Variants in MVB12B observed in about 807,000 individuals in gnomAD.
MVB12B encodes multivesicular body subunit 12B.
Under a neutral mutation model 41.6 loss-of-function variants are expected in MVB12B, and 16 were observed. That is an observed-to-expected ratio of 0.38 (90% CI 0.26 to 0.58). The LOEUF (loss-of-function observed/expected upper bound fraction) is 0.58, where lower values mean the gene tolerates loss of function less well. Ranked by LOEUF, MVB12B falls within the 20% of genes least tolerant of loss-of-function variation. The pLI, the probability that MVB12B is intolerant of heterozygous loss-of-function variation, is 0.62. For missense variants in MVB12B, 274 were observed against 380.2 expected, an observed-to-expected ratio of 0.72 and a Z score of 2.32; for synonymous variants, 133 against 139.7, an observed-to-expected ratio of 0.95 and a Z score of 0.34.
intron 7 of MVB12B, among the ~76,000 whole-genome samples, chr9:126,475,101 T>C (rs1254399384): frequency 6.6e-6 from 1 of 151,490 alleles, no homozygotes; most frequent in Non-Finnish European, 1.5e-5. Flanking sequence ...TCCAACACAG[T>C]TGGGTTTTCG....
intron 7 of MVB12B, among the ~76,000 whole-genome samples, chr9:126,425,958 A>G (rs1269460733): frequency 6.6e-6 from 1 of 152,268 alleles, no homozygotes; most frequent in African/African-American, 2.4e-5. Flanking sequence ...ATGCAAGCCA[A>G]GGATGGTTTT....
chr9:126,457,758 C>T (rs1052798163), intron 7 of MVB12B, among the ~76,000 whole-genome samples: 2 of 151,984 alleles, frequency 1.3e-5, no homozygotes, highest in African/African-American at 2.4e-5. Flanking sequence ...TGAGGGAGAA[C>T]GGGTGGTATG....
chr9:126,345,864 A>G (rs554480), intron 2 of MVB12B, among the ~76,000 whole-genome samples: 26,457 of 152,284 alleles, frequency 0.17, 2,407 homozygotes, highest in Middle Eastern at 0.23. Context: ...TCCAGGTTAC[A>G]TAGCCCCTTA....
chr9:126,440,082 C>T (rs2119135623), intron 7 of MVB12B, among the ~76,000 whole-genome samples: 1 of 152,288 alleles, frequency 6.6e-6, no homozygotes, highest in African/African-American at 2.4e-5. Context: ...GAATTAATGC[C>T]TGGTTTGGAC....
At chr9:126,327,868 C>T (rs1351062470) in intron 1 of MVB12B, among the ~76,000 whole-genome samples, 1 of 152,196 alleles carries the variant, frequency 6.6e-6, no homozygotes, top group Non-Finnish European at 1.5e-5. Flanking sequence ...GTGGTTGCCC[C>T]TTCCCTGCTT....
chr9:126,491,246 A>G (rs1017069075), intron 9 of MVB12B, among the ~76,000 whole-genome samples: 1 of 152,270 alleles, frequency 6.6e-6, no homozygotes, highest in South Asian at 2.1e-4. Context: ...GGTCTCTTCA[A>G]ATATACGAGG....
At chr9:126,365,776 C>CT (rs1830163908) in intron 2 of MVB12B, among the ~76,000 whole-genome samples, 1 of 152,170 alleles carries the variant, frequency 6.6e-6, no homozygotes. Flanking sequence ...AGAGATGGAG[C>CT]AGAGGAAGAG....
At chr9:126,409,115 T>TGG (rs71493516) in intron 6 of MVB12B, among the ~76,000 whole-genome samples, 76 of 142,810 alleles carry the variant, frequency 5.3e-4, no homozygotes, top group African/African-American at 1.1e-3. Flanking sequence ...ACTTCCATTG[T>TGG]GGGGGGGGGC....
intron 1 of MVB12B, among the ~76,000 whole-genome samples, chr9:126,331,981 G>A (rs1185866027): frequency 6.6e-6 from 1 of 152,236 alleles, no homozygotes; most frequent in Non-Finnish European, 1.5e-5. Context: ...CTCAGAAACA[G>A]CAGAGAAGTG....
intron 2 of MVB12B, among the ~76,000 whole-genome samples, chr9:126,351,481 C>CTA (rs1829745315): frequency 9.4e-6 from 1 of 106,050 alleles, no homozygotes; most frequent in African/African-American, 3.6e-5. Context: ...CAGTCTTTCA[C>CTA]TCTTTTTTTT....
Position 126,486,371 on chromosome 9 carries a change from G to T in MVB12B, c.873+2339G>T, listed in dbSNP as rs1022797296. 6.6e-6 allele frequency among the ~76,000 whole-genome samples: 1 copy of T among 152,274 alleles called. No homozygotes were observed. Among genetic ancestry groups the T allele is most frequent in the East Asian group, 1.9e-4 (1 of 5,168 alleles). ...GTGCAGCCCAGGGTATGTGAGGAAG[G>T]CCTCAGAGGAGCTGCTGCTGCCACA... On this transcript the variant is annotated intron_variant, in intron 9 of 9. Transcript: ENST00000361171. The surrounding 1 kb of genome is among the most constrained non-coding windows in gnomAD (Gnocchi z 4.7).
In MVB12B at chr9:126,381,111, C is replaced by T; in HGVS notation, c.252C>T (p.Gly84=). 1.2e-6 allele frequency: 2 copies of T among 1,614,134 alleles called. No individual in the cohort carries two copies. Among genetic ancestry groups the T allele is most frequent in the Non-Finnish European group, 1.7e-6 (2 of 1,180,022 alleles). Residue 84 remains glycine, a synonymous_variant, in exon 3 of 10, where the codon GGC becomes GGT. Transcript: ENST00000361171. The stretch of plus-strand genomic sequence containing the variant: ...TGGATGCTGACCTCTGGAAAGACGG[C>T]TTATTTAAATCCAAGGTTACCAGAT... ...DGVDADLWKD[G]LFKSKVTRYL...
intron 7 of MVB12B, among the ~76,000 whole-genome samples, chr9:126,437,354 A>AT (rs1832510355): frequency 6.6e-6 from 1 of 152,248 alleles, no homozygotes; most frequent in African/African-American, 2.4e-5. Flanking sequence ...ATCACGGCAT[A>AT]GTAATGACAA....
intron 2 of MVB12B, among the ~76,000 whole-genome samples, chr9:126,352,819 T>G (rs894487932): frequency 2.6e-5 from 4 of 152,364 alleles, no homozygotes; most frequent in African/African-American, 9.6e-5. Context: ...GAGAATCTGT[T>G]TATTTCTAAG....
chr9:126,470,719 C>T (rs1203468133), intron 7 of MVB12B, among the ~76,000 whole-genome samples: 2 of 150,714 alleles, frequency 1.3e-5, no homozygotes, highest in East Asian at 3.9e-4. Context: ...TAAGAATGTT[C>T]GTTTGTGGTG....
chr9:126,478,797 A>G lies in MVB12B; in HGVS notation c.758-2572A>G, dbSNP rs1274219968. ...AGCCCCCTCAGTTCCTGATGTAATC[A>G]GGTCTTTGCACATCACCTTACCACC... On this transcript the variant is annotated intron_variant, in intron 7 of 9. Transcript: ENST00000361171. This position sits in a 1 kb window ranked among gnomAD's most constrained non-coding sequence, Gnocchi z 4.2. Among the ~76,000 whole-genome samples the G allele has an allele frequency of 6.6e-6, 1 of 152,096 alleles. No homozygotes were observed. Among genetic ancestry groups the G allele is most frequent in the Non-Finnish European group, 1.5e-5 (1 of 68,008 alleles).
At chr9:126,415,175 G>A (rs989225514) in intron 6 of MVB12B, among the ~76,000 whole-genome samples, 2 of 152,176 alleles carry the variant, frequency 1.3e-5, no homozygotes, top group African/African-American at 4.8e-5. Flanking sequence ...CAGGTACAGG[G>A]TCGTGATCGG....
At chr9:126,378,842 C>T (rs554880907) in intron 2 of MVB12B, among the ~76,000 whole-genome samples, 9 of 152,292 alleles carry the variant, frequency 5.9e-5, no homozygotes, top group African/African-American at 1.9e-4. Flanking sequence ...GAGGGGCTCA[C>T]GTTGCCGGCT....
intron 6 of MVB12B, chr9:126,397,503 T>C: frequency 1.0e-6 from 1 of 985,488 alleles, no homozygotes; most frequent in Non-Finnish European, 1.2e-6. Context: ...TTTGTTTTAC[T>C]TGCCAAATAA....
Sources: gnomAD v4.1 joint callset for allele counts (sites outside exome capture counted in the v4.1 genomes callset) on GRCh38, gnomAD v4.1.1 for gene constraint, Gnocchi (gnomAD v3.1) non-coding constraint, MANE v1.5 for transcripts, NCBI Gene and HGNC (gene_info 2026-07-23, HGNC 2026-07-21) for gene names.